TENM1: variants seen among roughly 807,000 people sequenced by gnomAD.
The protein encoded by TENM1 is teneurin transmembrane protein 1.
TENM1 carries 35 observed loss-of-function variants against 174.8 expected under a neutral mutation model. The ratio of observed to expected loss-of-function variants is 0.20; its 90% CI spans 0.15 to 0.27. TENM1 has a LOEUF of 0.27. Ranked by LOEUF, TENM1 falls within the 10% of genes least tolerant of loss-of-function variation. The pLI is 1.00. For missense variants in TENM1, 1,633 were observed against 2,130.1 expected (o/e 0.77, Z 4.59); for synonymous variants, 781 against 798.7 (o/e 0.98, Z 0.37).
chrX:124,414,407 C>T (rs1021588601), intron 25 of TENM1, among the ~76,000 whole-genome samples: 4 of 111,569 alleles, frequency 3.6e-5, no homozygotes, highest in Non-Finnish European at 7.5e-5. Context: ...TGGAGAAAGG[C>T]TTGTCTGCTG....
intron 11 of TENM1, among the ~76,000 whole-genome samples, chrX:124,626,990 G>A (rs919052829): frequency 2.7e-5 from 3 of 112,159 alleles, no homozygotes; most frequent in African/African-American, 3.2e-5. Flanking sequence ...ACTACCCATC[G>A]TTAAGATGGA....
At chrX:124,826,883 G>A (rs1020110378) in intron 3 of TENM1, among the ~76,000 whole-genome samples, 2 of 111,238 alleles carry the variant, frequency 1.8e-5, no homozygotes, top group African/African-American at 6.5e-5. Context: ...CACACTTTTT[G>A]CTCACTTCCT....
chrX:125,026,689 T>C, the TENM1 span, among the ~76,000 whole-genome samples: 1 of 111,794 alleles, frequency 8.9e-6, no homozygotes, highest in African/African-American at 3.2e-5. Context: ...CCAGGCCAAG[T>C]TGAGTTTATC....
At chrX:124,561,890 A>G in intron 13 of TENM1, 73 bp from the exon 17 acceptor site, 1 of 1,037,096 alleles carries the variant, frequency 9.6e-7, no homozygotes, top group South Asian at 2.1e-5. Flanking sequence ...GTATTTGCCT[A>G]TAGGGAAGCA....
chrX:124,660,965 A>T (rs758489352), intron 6 of TENM1, among the ~76,000 whole-genome samples: 4 of 112,546 alleles, frequency 3.6e-5, no homozygotes, highest in Non-Finnish European at 7.5e-5. Context: ...CAATAGCCCA[A>T]AAGTGAAAAT....
At chrX:124,712,231 A>G (rs1451607799) in intron 4 of TENM1, among the ~76,000 whole-genome samples, 1 of 111,713 alleles carries the variant, frequency 9.0e-6, no homozygotes, top group African/African-American at 3.3e-5. Context: ...GCTGGATCAT[A>G]CAGTAGTTCT....
the TENM1 span, among the ~76,000 whole-genome samples, chrX:125,139,716 C>A: frequency 1.8e-5 from 2 of 109,389 alleles, no homozygotes; most frequent in Non-Finnish European, 3.8e-5. Context: ...ACATCATAAC[C>A]CTTATAATCT....
intron 23 of TENM1, among the ~76,000 whole-genome samples, chrX:124,450,080 T>G (rs1418600700): frequency 9.0e-6 from 1 of 110,671 alleles, no homozygotes; most frequent in Non-Finnish European, 1.9e-5. Flanking sequence ...GTGATTGAAT[T>G]ATGGGGGCGG....
chrX:125,001,327 G>A, the TENM1 span, among the ~76,000 whole-genome samples: 1 of 111,144 alleles, frequency 9.0e-6, no homozygotes, highest in African/African-American at 3.3e-5. Context: ...TTGGTTGACT[G>A]AGTTAGGTGA....
intron 18 of TENM1, among the ~76,000 whole-genome samples, chrX:124,517,373 C>T (rs970050113): frequency 3.2e-4 from 35 of 109,374 alleles, no homozygotes; most frequent in African/African-American, 1.0e-3. Context: ...GTATGTTTAT[C>T]GCGGCACTAT....
In TENM1 at chrX:124,875,244, T is replaced by C. The variant is rs569368015; in HGVS notation, c.535+19052A>G. ...TGTGTTGTACTTTTTGCTTGTTTAT[T>C]CTCAGGCATTTTGATTGCTGTTGTT... On this transcript the variant is annotated intron_variant, in intron 3 of 31. Transcript: ENST00000422452. Among the ~76,000 whole-genome samples the C allele has an allele frequency of 7.5e-4, 83 of 111,336 alleles. 2 individuals carry two copies. In the South Asian group the frequency reaches 0.03, roughly 40 times the overall value.
chrX:124,403,370 A>G (rs1194638988), intron 27 of TENM1, among the ~76,000 whole-genome samples: 3 of 109,141 alleles, frequency 2.7e-5, no homozygotes, highest in Non-Finnish European at 5.7e-5. Context: ...AATACAAAAA[A>G]GTAGCCGGGT....
chrX:124,720,077 T>C lies in TENM1; in HGVS notation c.777-14826A>G, dbSNP rs188205696. 1.6e-3 allele frequency among the ~76,000 whole-genome samples: 181 copies of C among 111,912 alleles called. 1 individual carries two copies. Among genetic ancestry groups the C allele is most frequent in the South Asian group, 0.015 (39 of 2,629 alleles). On this transcript the variant is annotated intron_variant, in intron 4 of 31. Coordinates refer to ENST00000422452, the Ensembl canonical transcript of TENM1. The stretch of plus-strand genomic sequence containing the variant: ...TCTATACAAGGTGTTGCATCTTGAA[T>C]CTTGTCACTATAAAGGTGCAAACCA...
intron 1 of TENM1, among the ~76,000 whole-genome samples, chrX:124,898,236 G>A (rs923839298): frequency 1.8e-5 from 2 of 110,897 alleles, no homozygotes; most frequent in South Asian, 3.8e-4. Flanking sequence ...TCTGCATTTC[G>A]AATGACTTCC....
intron 3 of TENM1, among the ~76,000 whole-genome samples, chrX:124,848,922 G>A (rs1293798798): frequency 9.0e-6 from 1 of 111,528 alleles, no homozygotes; most frequent in East Asian, 2.8e-4. Context: ...AGGGGTAAAG[G>A]TAAGGAGGAG....
intron 5 of TENM1, among the ~76,000 whole-genome samples, chrX:124,690,206 G>A (rs1011476547): frequency 1.8e-5 from 2 of 111,305 alleles, no homozygotes; most frequent in Non-Finnish European, 3.8e-5. Context: ...ATCCCTTCAA[G>A]TTGGCTCCTG....
intron 21 of TENM1, 82 bp downstream of exon 24, chrX:124,487,127 A>T: frequency 1.0e-6 from 1 of 972,414 alleles, no homozygotes; most frequent in Non-Finnish European, 1.4e-6. Flanking sequence ...TAGGAAGAAA[A>T]ATTTCCCTAT....
chrX:124,690,811 G>A (rs757727455), intron 5 of TENM1, among the ~76,000 whole-genome samples: 51 of 110,059 alleles, frequency 4.6e-4, no homozygotes, highest in African/African-American at 1.3e-3. Context: ...CTCCTTCCAC[G>A]ATGAGTGGAA....
intron 1 of TENM1, among the ~76,000 whole-genome samples, chrX:124,961,536 C>T (rs1236461589): frequency 9.0e-6 from 1 of 110,948 alleles, no homozygotes; most frequent in African/African-American, 3.3e-5. Flanking sequence ...CCCAGCTACT[C>T]GGGAGGCTAA....
Sources: allele counts gnomAD v4.1 joint callset (sites outside exome capture counted in the v4.1 genomes callset), GRCh38; gene constraint gnomAD v4.1.1; transcripts MANE v1.5; gene names NCBI Gene and HGNC (gene_info 2026-07-23, HGNC 2026-07-21).